Variants in NCKAP5 observed in about 807,000 individuals in gnomAD.
NCKAP5 encodes nck-associated protein 5.
NCKAP5 carries 92 observed loss-of-function variants against 167.0 expected under a neutral mutation model. The ratio of observed to expected loss-of-function variants is 0.55; its 90% CI spans 0.47 to 0.66. The LOEUF (loss-of-function observed/expected upper bound fraction) is 0.66, where lower values mean the gene tolerates loss of function less well. NCKAP5 is among the 30% of genes least tolerant of loss of function. The pLI, the probability that NCKAP5 is intolerant of heterozygous loss-of-function variation, is 0.00. For missense variants in NCKAP5, 2,378 were observed against 2,315.0 expected (o/e 1.03, Z -0.56); for synonymous variants, 891 against 877.4 (o/e 1.02, Z -0.27).
chr2:133,355,313 A>C (rs1254051589), intron 3 of NCKAP5, among the ~76,000 whole-genome samples: 1 of 152,192 alleles, frequency 6.6e-6, no homozygotes, highest in Non-Finnish European at 1.5e-5. Context: ...TAAATGTGCC[A>C]CTTTATATGC....
At chr2:132,860,391 A>T in intron 11 of NCKAP5, 101 bp downstream of exon 11, 1 of 1,295,398 alleles carries the variant, frequency 7.7e-7, no homozygotes, top group South Asian at 1.5e-5. Context: ...ATTCTGATGC[A>T]ATATGCCTTG....
At chr2:132,811,416 C>T (rs1163060556) in intron 11 of NCKAP5, among the ~76,000 whole-genome samples, 5 of 152,054 alleles carry the variant, frequency 3.3e-5, no homozygotes, top group Non-Finnish European at 5.9e-5. Context: ...TGTCTGAGCT[C>T]AGGCTCTCCT....
intron 19 of NCKAP5, among the ~76,000 whole-genome samples, chr2:132,677,145 TG>T (rs1684590617): frequency 6.6e-6 from 1 of 152,308 alleles, no homozygotes; most frequent in Admixed American, 6.5e-5. Context: ...ATCAGAATTA[TG>T]ATAAAATTAA....
intron 6 of NCKAP5, among the ~76,000 whole-genome samples, chr2:133,042,652 G>T (rs2149459608): frequency 6.6e-6 from 1 of 152,282 alleles, no homozygotes; most frequent in Admixed American, 6.5e-5. Flanking sequence ...TGTTGTTTGT[G>T]TGTATGCACA....
chr2:132,926,719 G>T (rs1400407359), intron 8 of NCKAP5, among the ~76,000 whole-genome samples: 1 of 151,828 alleles, frequency 6.6e-6, no homozygotes, highest in African/African-American at 2.4e-5. Context: ...TTTTTAATGG[G>T]GTTATTTGTG....
At chr2:133,480,225 C>T (rs1680303074) in intron 3 of NCKAP5, among the ~76,000 whole-genome samples, 3 of 152,108 alleles carry the variant, frequency 2.0e-5, no homozygotes, top group Admixed American at 6.5e-5. Context: ...AGCCACCACA[C>T]CTGGCCTAGG....
chr2:133,466,304 A>C (rs1370710331), intron 3 of NCKAP5, among the ~76,000 whole-genome samples: 18 of 148,492 alleles, frequency 1.2e-4, no homozygotes, highest in African/African-American at 4.5e-4. Context: ...AGGTTTGTCA[A>C]AGATCAGATA....
chr2:132,926,219 G>T, intron 8 of NCKAP5: 1 of 388,000 alleles, frequency 2.6e-6, no homozygotes, highest in South Asian at 2.1e-5. Context: ...CAAAAGATAT[G>T]ATTTCATTCC....
chr2:133,665,003 T>C, the NCKAP5 span, among the ~76,000 whole-genome samples: 1 of 152,320 alleles, frequency 6.6e-6, no homozygotes, highest in Middle Eastern at 3.4e-3. Context: ...TCTGTCAGTT[T>C]CATAGAGTTG....
rs1683115130 is a variant in NCKAP5, at chr2:133,507,505, G to C, written c.69+9953C>G. ...ATTATGATCCATTAAGCCTGGTTAA[G>C]AAACTGAAATTTATGAGGAAGAAAC... On this transcript the variant is annotated intron_variant, in intron 3 of 19. Coordinates refer to ENST00000409261, the MANE Select transcript of NCKAP5 (RefSeq NM_207363.3). 2.6e-5 allele frequency among the ~76,000 whole-genome samples: 4 copies of C among 152,216 alleles called. No individual in the cohort carries two copies. The South Asian group carries it at 8.3e-4, about 32-fold the overall frequency.
chr2:133,086,763 C>T (rs2081006124), intron 6 of NCKAP5, among the ~76,000 whole-genome samples: 1 of 152,118 alleles, frequency 6.6e-6, no homozygotes, highest in Admixed American at 6.6e-5. Context: ...ACTAACTTTT[C>T]ATGTGTGTAT....
intron 8 of NCKAP5, among the ~76,000 whole-genome samples, chr2:132,936,267 C>T (rs1696843589): frequency 2.6e-5 from 4 of 152,172 alleles, no homozygotes; most frequent in African/African-American, 9.7e-5. Flanking sequence ...CAGGCATGAG[C>T]CACTGCACCC....
intron 8 of NCKAP5, among the ~76,000 whole-genome samples, chr2:132,880,645 A>G (rs934669919): frequency 2.6e-5 from 4 of 152,172 alleles, no homozygotes; most frequent in Admixed American, 6.5e-5. Context: ...AAAAGAGAAA[A>G]AAGAAATGAT....
chr2:133,175,427 T>C (rs1397846551), intron 5 of NCKAP5, among the ~76,000 whole-genome samples: 1 of 152,204 alleles, frequency 6.6e-6, no homozygotes, highest in Non-Finnish European at 1.5e-5. Flanking sequence ...TTTTCTGTAC[T>C]AGGATTAGAG....
chr2:132,745,431 G>A (rs977764547), intron 16 of NCKAP5, among the ~76,000 whole-genome samples: 1 of 150,798 alleles, frequency 6.6e-6, no homozygotes, highest in Non-Finnish European at 1.5e-5. Context: ...AGGAATAGAA[G>A]AGAACTTTCT....
chr2:132,805,564 T>C (rs867179586), intron 11 of NCKAP5, among the ~76,000 whole-genome samples: 1 of 152,086 alleles, frequency 6.6e-6, no homozygotes, highest in South Asian at 2.1e-4. Flanking sequence ...TTGATTGGTA[T>C]TGTTAATTTC....
chr2:132,875,932 A>G (rs1558887426), intron 9 of NCKAP5, among the ~76,000 whole-genome samples: 1 of 151,844 alleles, frequency 6.6e-6, no homozygotes, highest in African/African-American at 2.4e-5. Context: ...GCCAGGGTGT[A>G]TGTGTGTGTG....
intron 9 of NCKAP5, among the ~76,000 whole-genome samples, chr2:132,869,841 C>T (rs1690662291): frequency 6.6e-6 from 1 of 152,164 alleles, no homozygotes; most frequent in African/African-American, 2.4e-5. Context: ...AAGCTTGGTC[C>T]TGATGATGTT....
At chr2:132,798,773 T>C (rs1176782438) in intron 11 of NCKAP5, among the ~76,000 whole-genome samples, 1 of 152,154 alleles carries the variant, frequency 6.6e-6, no homozygotes, top group Non-Finnish European at 1.5e-5. Context: ...CTAGCCCTGT[T>C]GAAGGTACAC....
Sources: allele counts gnomAD v4.1 joint callset (sites outside exome capture counted in the v4.1 genomes callset), GRCh38; gene constraint gnomAD v4.1.1; transcripts MANE v1.5; gene names NCBI Gene and HGNC (gene_info 2026-07-23, HGNC 2026-07-21).